The following FXYD7 variants were observed in gnomAD, a reference collection of about 807,000 sequenced individuals.
FXYD7 encodes the protein FXYD domain-containing ion transport regulator 7.
A neutral mutation model predicts 15.3 loss-of-function variants in FXYD7; 7 were observed. That is an observed-to-expected ratio of 0.46 (90% CI 0.26 to 0.86). FXYD7 has a LOEUF of 0.86. FXYD7 is among the 40% of genes least tolerant of loss of function. The probability of loss-of-function intolerance (pLI) is 0.16; values close to 1 mark genes in which losing one functional copy is unlikely to be tolerated. For synonymous variants in FXYD7, 39 were observed against 39.3 expected, an observed-to-expected ratio of 0.99 and a Z score of 0.03; for missense variants, 78 against 100.6, an observed-to-expected ratio of 0.78 and a Z score of 0.96.
At chr19:35,151,385 T>A (rs746177861) in intron 3 of FXYD7, 55 bp from the exon 4 acceptor site, 31 of 1,605,096 alleles carry the variant, frequency 1.9e-5, no homozygotes, top group Non-Finnish European at 2.6e-5. Context: ...CTGGCTTTCA[T>A]CCATATCCTA....
intron 2 of FXYD7, among the ~76,000 whole-genome samples, chr19:35,150,066 A>T (rs748076589): frequency 6.6e-6 from 1 of 152,082 alleles, no homozygotes; most frequent in Non-Finnish European, 1.5e-5. Flanking sequence ...ACAGGCCCAC[A>T]CCACTGCACC....
Position 35,143,900 on chromosome 19 carries a change from GAC to G in FXYD7, c.31+538_31+539del, listed in dbSNP as rs2065279048. On this transcript the variant is annotated intron_variant, in intron 1 of 5. Coordinates refer to ENST00000270310, the MANE Select transcript of FXYD7 (RefSeq NM_022006.2). The surrounding 1 kb of genome is among the most constrained non-coding windows in gnomAD (Gnocchi z 4.3). ...GACAGAGAGAAGGGATATAGCAAGA[GAC>G]AGACAGGGAGAACCTGGAAGAGACA... 1.3e-5 allele frequency among the ~76,000 whole-genome samples: 2 copies of G among 152,162 alleles called. No individual in the cohort carries two copies. Among genetic ancestry groups the G allele is most frequent in the Admixed American group, 1.3e-4 (2 of 15,278 alleles).
At chr19:35,153,046 T>C (rs1484828246) in intron 5 of FXYD7, among the ~76,000 whole-genome samples, 4 of 121,372 alleles carry the variant, frequency 3.3e-5, no homozygotes. Context: ...TTTTTTTTTT[T>C]TTTTTTTTTT....
chr19:35,151,353 G>T, intron 3 of FXYD7, 25 bp downstream of exon 3: 1 of 1,596,734 alleles, frequency 6.3e-7, no homozygotes, highest in Non-Finnish European at 8.6e-7. Context: ...TTCCTGGGCT[G>T]CCTCAGCCTC....
At chr19:35,150,844 T>C (rs1329187190) in intron 2 of FXYD7, among the ~76,000 whole-genome samples, 1 of 152,040 alleles carries the variant, frequency 6.6e-6, no homozygotes, top group East Asian at 1.9e-4. Context: ...AGAAACCAGA[T>C]CTGACTCAAA....
chr19:35,147,933 TAGTG>T (rs928139610), intron 1 of FXYD7, among the ~76,000 whole-genome samples: 50 of 150,342 alleles, frequency 3.3e-4, no homozygotes, highest in African/African-American at 1.2e-3. Context: ...ATGGAGGTTG[TAGTG>T]AGCTGAGATC....
chr19:35,152,953 A>G (rs2065318466), intron 5 of FXYD7, among the ~76,000 whole-genome samples: 2 of 48,260 alleles, frequency 4.1e-5, no homozygotes, highest in Non-Finnish European at 4.0e-5. Context: ...AAAAAAAAAA[A>G]AAAAAAAAAA....
chr19:35,146,380 G>A (rs564823455), intron 1 of FXYD7, among the ~76,000 whole-genome samples: 4 of 152,196 alleles, frequency 2.6e-5, no homozygotes, highest in Admixed American at 6.5e-5. Flanking sequence ...CTCGTGATCC[G>A]CCCACCTTGT....
In FXYD7 at chr19:35,151,261, C is replaced by A. The variant is rs35844512; in HGVS notation, c.69C>A (p.Asn23Lys). 4 of 1,599,612 alleles carry A rather than the reference C, an allele frequency of 2.5e-6. No individual in the cohort carries two copies. The highest frequency in any genetic ancestry group is 3.4e-6 in the Non-Finnish European group (4 of 1,166,848). ...CCCCATTATCTTCCCCAGACTACAA[C>A]ACGGTGCAGACTGTGGGCATGACTC... is the stretch of plus-strand genomic sequence containing the variant. ...EEPDPFYYDYNTVQTVGMTLA... is the reference protein window; with the variant it reads ...EEPDPFYYDYKTVQTVGMTLA... Residue 23 changes from asparagine (N) to lysine (K), a missense_variant, in exon 3 of 6, where the codon AAC becomes AAA. Physicochemically the swap from Asn to Lys is moderately conservative, Grantham distance 94. Transcript: ENST00000270310.
At chr19:35,149,244 C>T (rs772950495) in intron 2 of FXYD7, 13 of 351,732 alleles carry the variant, frequency 3.7e-5, no homozygotes, top group Admixed American at 1.5e-4. Flanking sequence ...CCAGTTTCCC[C>T]TCTGAACACC....
chr19:35,143,489 T>G lies in FXYD7; in HGVS notation c.31+125T>G. ...TTGGGGGAGGGAGGTCCGCTCCTCC[T>G]GTGGGCGGAAGCCCCTGTAATGCGC... On this transcript the variant is annotated intron_variant, in intron 1 of 5. Coordinates refer to ENST00000270310, the MANE Select transcript of FXYD7 (RefSeq NM_022006.2). This position sits in a 1 kb window ranked among gnomAD's most constrained non-coding sequence, Gnocchi z 4.3. 1.3e-6 allele frequency: 1 copy of G among 741,670 alleles called. No homozygotes were observed. The highest frequency in any genetic ancestry group is 2.0e-6 in the Non-Finnish European group (1 of 494,310). The allele number at this position is 741,670 out of a possible 1,614,324, so 45.9% of individuals were successfully genotyped here.
At chr19:35,145,199 A>C (rs2065285108) in intron 1 of FXYD7, among the ~76,000 whole-genome samples, 1 of 151,830 alleles carries the variant, frequency 6.6e-6, no homozygotes, top group Admixed American at 6.6e-5. Context: ...GGGACCTATC[A>C]CCTCTCTTCA....
chr19:35,147,897 G>A (rs2065293904), intron 1 of FXYD7, among the ~76,000 whole-genome samples: 1 of 151,888 alleles, frequency 6.6e-6, no homozygotes, highest in South Asian at 2.1e-4. Context: ...GGAGGCTGAG[G>A]CAGGAGAATT....
chr19:35,145,923 C>G (rs998876572), intron 1 of FXYD7, among the ~76,000 whole-genome samples: 11 of 150,788 alleles, frequency 7.3e-5, no homozygotes, highest in African/African-American at 2.7e-4. Context: ...GACTACAAGG[C>G]ACTTCTGCTA....
At chr19:35,145,098 G>T (rs1199287617) in intron 1 of FXYD7, among the ~76,000 whole-genome samples, 1 of 152,076 alleles carries the variant, frequency 6.6e-6, no homozygotes, top group Non-Finnish European at 1.5e-5. Context: ...AGGGGCAACG[G>T]CAGGAGGTGC....
At chr19:35,152,424 G>C (rs1156620619) in intron 5 of FXYD7, among the ~76,000 whole-genome samples, 2 of 151,542 alleles carry the variant, frequency 1.3e-5, no homozygotes, top group East Asian at 3.9e-4. Flanking sequence ...AGGCTTTCCA[G>C]ACTTGATCGT....
intron 1 of FXYD7, 82 bp from the exon 2 acceptor site, chr19:35,148,612 C>T: frequency 8.5e-7 from 1 of 1,180,068 alleles, no homozygotes; most frequent in Non-Finnish European, 1.2e-6. Context: ...GCCAGTGGCT[C>T]CATCTGGATC....
intron 1 of FXYD7, among the ~76,000 whole-genome samples, chr19:35,148,097 G>A (rs867918605): frequency 1.1e-3 from 107 of 101,398 alleles, no homozygotes; most frequent in African/African-American, 3.1e-3. Flanking sequence ...GAAAGAAAGA[G>A]AGAGAGAAAG....
chr19:35,154,207 C>G lies in FXYD7; in HGVS notation c.*291C>G. The G allele has an allele frequency of 1.9e-6, 1 of 534,098 alleles. No homozygotes were observed. The highest frequency in any genetic ancestry group is 3.3e-6 in the Non-Finnish European group (1 of 301,580). 33.1% of individuals were successfully genotyped at this position (534,098 alleles called of 1,614,324 possible). On this transcript the variant is annotated 3_prime_UTR_variant, in exon 6 of 6. Transcript: ENST00000270310. ...CCCAGCATCCCCGTGTATGGCCCCCCTGCACCTCCTTGTCTCATCCCCGAA... is the reference window on the plus strand; with the variant it reads ...CCCAGCATCCCCGTGTATGGCCCCCGTGCACCTCCTTGTCTCATCCCCGAA...
Sources: allele counts gnomAD v4.1 joint callset (sites outside exome capture counted in the v4.1 genomes callset), GRCh38; gene constraint gnomAD v4.1.1; non-coding constraint Gnocchi (gnomAD v3.1); transcripts MANE v1.5; gene names NCBI Gene and HGNC (gene_info 2026-07-23, HGNC 2026-07-21).